The following MTO1 variants were observed in gnomAD, a reference collection of about 807,000 sequenced individuals.
MTO1 encodes the protein mitochondrial tRNA translation optimization 1.
A neutral mutation model predicts 71.6 loss-of-function variants in MTO1; 46 were observed. The ratio of observed to expected loss-of-function variants is 0.64; its 90% CI spans 0.51 to 0.82. MTO1 has a LOEUF of 0.82. Ranked by LOEUF, MTO1 falls within the 40% of genes least tolerant of loss-of-function variation. The probability of loss-of-function intolerance (pLI) is 0.00; values close to 1 mark genes in which losing one functional copy is unlikely to be tolerated. For missense variants in MTO1, 773 were observed against 867.5 expected (o/e 0.89, Z 1.37); for synonymous variants, 297 against 312.1 (o/e 0.95, Z 0.51).
rs910907947 is a variant in MTO1 at position 73,501,751 on chromosome 6, G to C, written c.*1016G>C. On this transcript the variant is annotated 3_prime_UTR_variant, in exon 12 of 12. Coordinates refer to ENST00000498286, the MANE Select transcript of MTO1 (RefSeq NM_012123.4). The stretch of plus-strand genomic sequence containing the variant: ...CTCTGGAATTCCAACCCAGATCTCT[G>C]GTGTCAGCCTAGGGAGAAGCTCCCG... 2 of 152,184 alleles carry C rather than the reference G, an allele frequency of 1.3e-5. No homozygotes were observed. The highest frequency in any genetic ancestry group is 4.8e-5 in the African/African-American group (2 of 41,432). The allele number at this position is 152,184 out of a possible 1,614,324, so 9.4% of individuals were successfully genotyped here.
chr6:73,504,494 A>T lies in MTO1; in HGVS notation c.*3759A>T, dbSNP rs1380813517. On this transcript the variant is annotated 3_prime_UTR_variant, in exon 12 of 12. Transcript: ENST00000498286. Reference sequence around the variant, plus strand: ...TATAAGCCTTGTAAATATAAGCAATATCACAGTTGTAGATACTCGTGCTTT... The same window carrying T: ...TATAAGCCTTGTAAATATAAGCAATTTCACAGTTGTAGATACTCGTGCTTT... 1 of 152,214 alleles carries T rather than the reference A, an allele frequency of 6.6e-6. No individual in the cohort carries two copies. Among genetic ancestry groups the T allele is most frequent in the Non-Finnish European group, 1.5e-5 (1 of 68,044 alleles). 9.4% of individuals were successfully genotyped at this position (152,214 alleles called of 1,614,324 possible). A position where few individuals can be genotyped will look rare whatever the true frequency, so the allele number is the denominator to read the frequency against.
chr6:73,486,082 G>C (rs1771643853), intron 9 of MTO1, among the ~76,000 whole-genome samples: 1 of 152,140 alleles, frequency 6.6e-6, no homozygotes, highest in Non-Finnish European at 1.5e-5. Flanking sequence ...CTGAGGCTTA[G>C]GCTTGATTCA....
At chr6:73,462,222 G>A in intron 1 of MTO1, 151 bp downstream of exon 1, 2 of 811,612 alleles carry the variant, frequency 2.5e-6, no homozygotes, top group Non-Finnish European at 3.9e-6. Context: ...TGTCTCGCAA[G>A]GATCAGGCGG....
chr6:73,488,101 T>C lies in MTO1; in HGVS notation c.1638-4133T>C, dbSNP rs571679753. On this transcript the variant is annotated intron_variant, in intron 9 of 11. Coordinates refer to ENST00000498286, the MANE Select transcript of MTO1 (RefSeq NM_012123.4). ...TTAGTGGATGTTGAGCATCTTTTCA[T>C]GTGCTTGTTAGCTATTTTTATATCA... Among the ~76,000 whole-genome samples the C allele has an allele frequency of 2.6e-5, 4 of 152,328 alleles. No homozygotes were observed. In the East Asian group the frequency reaches 7.7e-4, roughly 29 times the overall value.
At chr6:73,480,838 G>A (rs777334217) in intron 7 of MTO1, 33 bp downstream of exon 7, 2 of 1,607,980 alleles carry the variant, frequency 1.2e-6, no homozygotes, top group East Asian at 2.2e-5. Flanking sequence ...TAAACTGAAA[G>A]GGACTATTTA....
In MTO1 at chr6:73,505,874, GAA is replaced by G. The variant is rs1227657996; in HGVS notation, c.*5142_*5143del. On this transcript the variant is annotated 3_prime_UTR_variant, in exon 12 of 12. Coordinates refer to ENST00000498286, the MANE Select transcript of MTO1 (RefSeq NM_012123.4). ...TCCAGAATTTCAAGTTTTGCAAGAT[GAA>G]AAGAGTTCTGGAGATGGTTGATGGT... is the stretch of plus-strand genomic sequence containing the variant. The G allele has an allele frequency of 6.6e-6, 1 of 152,100 alleles. No individual in the cohort carries two copies. The highest frequency in any genetic ancestry group is 1.5e-5 in the Non-Finnish European group (1 of 68,042). 9.4% of individuals were successfully genotyped at this position (152,100 alleles called of 1,614,324 possible). A position where few individuals can be genotyped will look rare whatever the true frequency, so the allele number is the denominator to read the frequency against.
chr6:73,463,247 G>T (rs578064733), intron 1 of MTO1, among the ~76,000 whole-genome samples: 3 of 151,890 alleles, frequency 2.0e-5, no homozygotes, highest in South Asian at 4.2e-4. Context: ...TAGCCAGGAT[G>T]GTCTCGATCT....
At chr6:73,476,811 C>T (rs1451893661) in intron 4 of MTO1, among the ~76,000 whole-genome samples, 5 of 147,044 alleles carry the variant, frequency 3.4e-5, no homozygotes, top group African/African-American at 7.6e-5. Flanking sequence ...TTTTTTGAGA[C>T]GGAGCCTCAC....
Position 73,485,643 on chromosome 6 carries a change from G to A in MTO1, c.1637+3023G>A, listed in dbSNP as rs149262503. 8.5e-5 allele frequency among the ~76,000 whole-genome samples: 13 copies of A among 152,126 alleles called. No individual in the cohort carries two copies. The East Asian group carries it at 9.7e-4, about 11-fold the overall frequency. ...TTTTTAGTAGAGACAGGGTTTCACC[G>A]TGTTAGCCAGGATGGTCTCAATCTC... is the stretch of plus-strand genomic sequence containing the variant. On this transcript the variant is annotated intron_variant, in intron 9 of 11. Transcript: ENST00000498286.
At chr6:73,483,728 C>T (rs1582688892) in intron 9 of MTO1, among the ~76,000 whole-genome samples, 1 of 151,764 alleles carries the variant, frequency 6.6e-6, no homozygotes, top group African/African-American at 2.4e-5. Flanking sequence ...AAGTGATTCT[C>T]CTGCCTCAGC....
In MTO1 at chr6:73,497,836, C is replaced by T; in HGVS notation, c.1857C>T (p.Ile619=). 2 of 1,613,868 alleles carry T rather than the reference C, an allele frequency of 1.2e-6. No individual in the cohort carries two copies. The highest frequency in any genetic ancestry group is 1.7e-6 in the Non-Finnish European group (2 of 1,179,828). ...QLPKDLDYLT[I]RDVSLSHEVR... is the part of the protein sequence containing the mutation. ...CAAAAGACCTAGATTATTTGACTAT[C>T]AGGGATGTGTCTTTGTCCCATGAAG... is the stretch of plus-strand genomic sequence containing the variant. The change falls in exon 11 of 12, where the codon ATC becomes ATT. Residue 619 remains isoleucine (I), a synonymous_variant. Transcript: ENST00000498286.
intron 3 of MTO1, among the ~76,000 whole-genome samples, chr6:73,469,440 A>G (rs576234555): frequency 6.6e-6 from 1 of 151,560 alleles, no homozygotes; most frequent in Admixed American, 6.6e-5. Context: ...CCTGGCCAAC[A>G]TGGTGAACCT....
rs1561958259 is a variant in MTO1 at position 73,507,536 on chromosome 6, CTT to C, written c.*6802_*6803del. Reference sequence around the variant, plus strand: ...CTATGCTCCAATTTTATAGATATAACTTAGCCTTGCGAGGTGATGTAATTAAA... The same window carrying C: ...CTATGCTCCAATTTTATAGATATAACAGCCTTGCGAGGTGATGTAATTAAA... On this transcript the variant is annotated 3_prime_UTR_variant, in exon 12 of 12. Coordinates refer to ENST00000498286, the MANE Select transcript of MTO1 (RefSeq NM_012123.4). The C allele has an allele frequency of 6.6e-6, 1 of 152,230 alleles. No homozygotes were observed. The highest frequency in any genetic ancestry group is 1.9e-4 in the East Asian group (1 of 5,206). The allele number at this position is 152,230 out of a possible 1,614,324, so 9.4% of individuals were successfully genotyped here. A position where few individuals can be genotyped will look rare whatever the true frequency, so the allele number is the denominator to read the frequency against.
chr6:73,481,258 A>C lies in MTO1; in HGVS notation c.1260+453A>C, dbSNP rs372216637. 237 of 166,664 alleles carry C rather than the reference A, an allele frequency of 1.4e-3. 4 individuals are homozygous for C. Among genetic ancestry groups the C allele is most frequent in the African/African-American group, 5.5e-3 (229 of 41,636 alleles). The allele number at this position is 166,664 out of a possible 1,614,324, so 10.3% of individuals were successfully genotyped here. On this transcript the variant is annotated intron_variant, in intron 7 of 11. Coordinates refer to ENST00000498286, the MANE Select transcript of MTO1 (RefSeq NM_012123.4). The stretch of plus-strand genomic sequence containing the variant: ...TGTGAACCACCTTGCCCAGCCAATA[A>C]TAGGATTATTAAAACACTATGGCTT...
At chr6:73,498,518 G>A (rs1390887393) in intron 11 of MTO1, among the ~76,000 whole-genome samples, 1 of 151,432 alleles carries the variant, frequency 6.6e-6, no homozygotes, top group Middle Eastern at 3.2e-3. Context: ...GAACTAATGG[G>A]AGAAAGAGGG....
intron 1 of MTO1, among the ~76,000 whole-genome samples, chr6:73,463,365 G>A (rs916864750): frequency 6.6e-6 from 1 of 152,024 alleles, no homozygotes; most frequent in Non-Finnish European, 1.5e-5. Flanking sequence ...TTCCTTCTGG[G>A]TTGTCGTCCC....
intron 9 of MTO1, among the ~76,000 whole-genome samples, chr6:73,489,131 TA>T (rs1014570485): frequency 2.6e-5 from 4 of 152,148 alleles, no homozygotes; most frequent in African/African-American, 9.6e-5. Flanking sequence ...TGACATAAGG[TA>T]AGGGTCCAAC....
At chr6:73,497,703 G>T in intron 10 of MTO1, 33 bp from the exon 11 acceptor site, 1 of 1,592,004 alleles carries the variant, frequency 6.3e-7, no homozygotes, top group Non-Finnish European at 8.6e-7. Flanking sequence ...TATAATCTGG[G>T]TATTATAACA....
intron 4 of MTO1, among the ~76,000 whole-genome samples, chr6:73,478,206 A>AT (rs1771385323): frequency 6.6e-6 from 1 of 151,536 alleles, no homozygotes; most frequent in Non-Finnish European, 1.5e-5. Flanking sequence ...AGATGATGCC[A>AT]CTGCACTTCA....
Sources: allele counts gnomAD v4.1 joint callset (sites outside exome capture counted in the v4.1 genomes callset), GRCh38; gene constraint gnomAD v4.1.1; transcripts MANE v1.5; gene names NCBI Gene and HGNC (gene_info 2026-07-23, HGNC 2026-07-21).